GRIA4: variants seen among roughly 807,000 people sequenced by gnomAD.
GRIA4 encodes the protein glutamate ionotropic receptor AMPA type subunit 4, also known as glutamate receptor 4.
Under a neutral mutation model 104.0 loss-of-function variants are expected in GRIA4, and 34 were observed. The observed-to-expected ratio is 0.33, with a 90% CI of 0.25 to 0.44. The LOEUF (loss-of-function observed/expected upper bound fraction) is 0.44, where lower values mean the gene tolerates loss of function less well. GRIA4 is among the 20% of genes least tolerant of loss of function. GRIA4 has a pLI of 1.00. For missense variants in GRIA4, 750 were observed against 1,096.5 expected (o/e 0.68, Z 4.46); for synonymous variants, 386 against 381.9 (o/e 1.01, Z -0.13).
At chr11:105,963,983 A>G (rs1405636119) in intron 14 of GRIA4, among the ~76,000 whole-genome samples, 1 of 152,184 alleles carries the variant, frequency 6.6e-6, no homozygotes, top group Non-Finnish European at 1.5e-5. Flanking sequence ...AATAAAATGG[A>G]TTATAAAAAT....
chr11:105,882,439 G>A (rs1760987257), intron 5 of GRIA4, among the ~76,000 whole-genome samples: 1 of 152,074 alleles, frequency 6.6e-6, no homozygotes, highest in African/African-American at 2.4e-5. Flanking sequence ...ATATATAAAG[G>A]ATTAATGTAA....
chr11:105,763,255 G>A (rs1940754819), intron 4 of GRIA4, among the ~76,000 whole-genome samples: 1 of 152,098 alleles, frequency 6.6e-6, no homozygotes, highest in Non-Finnish European at 1.5e-5. Context: ...AGTTAATGGA[G>A]TTTTGCAGAG....
intron 3 of GRIA4, among the ~76,000 whole-genome samples, chr11:105,638,864 CTT>C (rs1218220629): frequency 6.6e-6 from 1 of 152,062 alleles, no homozygotes; most frequent in African/African-American, 2.4e-5. Flanking sequence ...AACATTTATT[CTT>C]TGTTTTCCTT....
intron 3 of GRIA4, among the ~76,000 whole-genome samples, chr11:105,657,245 A>G (rs1397611544): frequency 6.6e-6 from 1 of 152,000 alleles, no homozygotes; most frequent in African/African-American, 2.4e-5. Flanking sequence ...CAGCCATTTT[A>G]TCTGCAACAA....
At chr11:105,908,573 C>CTTTT (rs5794434) in intron 9 of GRIA4, among the ~76,000 whole-genome samples, 1 of 135,902 alleles carries the variant, frequency 7.4e-6, no homozygotes, top group Non-Finnish European at 1.6e-5. Context: ...ATGACTTTCT[C>CTTTT]TTTTTTTTTT....
intron 4 of GRIA4, among the ~76,000 whole-genome samples, chr11:105,777,397 G>A (rs116996620): frequency 7.9e-5 from 12 of 152,024 alleles, no homozygotes; most frequent in Admixed American, 1.3e-4. Flanking sequence ...ATAATGTCAG[G>A]CAAATGACAA....
At position 105,753,162 on chromosome 11, in the gene GRIA4, G is replaced by T; in HGVS notation, c.429G>T (p.Leu143Phe). The change falls in exon 4 of 17, where the codon TTG (leucine) becomes TTT (phenylalanine). Residue 143 changes from leucine to phenylalanine, a missense_variant. This residue lies in a region of GRIA4 where 410 missense variants were observed against 502.7 expected (regional missense o/e 0.82). Coordinates refer to ENST00000282499, the MANE Select transcript of GRIA4 (RefSeq NM_000829.4). ...GACCTTCGTTACGAGGAGCACTCTT[G>T]AGTTTGCTGGATCACTACGAATGGA... is the stretch of plus-strand genomic sequence containing the variant. ...QLRPSLRGAL[L>F]SLLDHYEWNC... 6.2e-7 allele frequency: 1 copy of T among 1,613,668 alleles called. No individual in the cohort carries two copies. The highest frequency in any genetic ancestry group is 8.5e-7 in the Non-Finnish European group (1 of 1,179,674).
At chr11:105,893,370 T>C (rs1327002304) in intron 6 of GRIA4, among the ~76,000 whole-genome samples, 1 of 152,148 alleles carries the variant, frequency 6.6e-6, no homozygotes, top group South Asian at 2.1e-4. Context: ...CTAGATCCTA[T>C]CAATTTTCTA....
chr11:105,610,816 T>C (rs1204107056), intron 1 of GRIA4, 92 bp from the exon 2 acceptor site: 10 of 575,966 alleles, frequency 1.7e-5, no homozygotes, highest in Non-Finnish European at 2.1e-5. Flanking sequence ...GAACTAGTCA[T>C]AATCTTAAAC....
chr11:105,981,479 TTCCATCAACTCTCAAGA>T lies in GRIA4; in HGVS notation c.*1744_*1760del, dbSNP rs1859245800. On this transcript the variant is annotated 3_prime_UTR_variant, in exon 17 of 17. Coordinates refer to ENST00000282499, the MANE Select transcript of GRIA4 (RefSeq NM_000829.4). ...TGGAAAAGCTGAAGGATTGATTTTC[TTCCATCAACTCTCAAGA>T]TCCCATTCGCCATTCAATCTCTGTG... The T allele has an allele frequency of 6.6e-6, 1 of 152,142 alleles. No homozygotes were observed. 9.4% of individuals were successfully genotyped at this position (152,142 alleles called of 1,614,324 possible). A position where few individuals can be genotyped will look rare whatever the true frequency, so the allele number is the denominator to read the frequency against.
Position 105,979,586 on chromosome 11 carries a change from T to G in GRIA4, c.2556T>G (p.Ser852=). Residue 852 remains serine (S), a synonymous_variant, in exon 17 of 17, where the codon TCT becomes TCG. Transcript: ENST00000282499. ...TCCATGCAACCCAGCTGACCTTTTC[T>G]GAAGCCATAAGAAACAAAGCCAGAT... ...AEAKRMKLTF[S]EAIRNKARLS... 1 of 1,614,166 alleles carries G rather than the reference T, an allele frequency of 6.2e-7. No individual in the cohort carries two copies. The highest frequency in any genetic ancestry group is 8.5e-7 in the Non-Finnish European group (1 of 1,180,006).
chr11:105,798,666 C>A (rs1235887407), intron 4 of GRIA4, among the ~76,000 whole-genome samples: 1 of 151,998 alleles, frequency 6.6e-6, no homozygotes. Context: ...TGAACTGGCA[C>A]TAGGAGTGGT....
chr11:105,688,767 C>T (rs1435186013), intron 3 of GRIA4, among the ~76,000 whole-genome samples: 26 of 152,102 alleles, frequency 1.7e-4, no homozygotes, highest in Non-Finnish European at 1.3e-4. Context: ...CTTACACCCA[C>T]CTGCTATGGT....
At chr11:105,838,117 ATTAT>A (rs1475449471) in intron 4 of GRIA4, among the ~76,000 whole-genome samples, 5 of 152,210 alleles carry the variant, frequency 3.3e-5, no homozygotes, top group Non-Finnish European at 7.3e-5. Context: ...TAAAAAAAGA[ATTAT>A]TTAACACTAG....
intron 3 of GRIA4, among the ~76,000 whole-genome samples, chr11:105,671,032 C>T (rs1952347111): frequency 6.6e-6 from 1 of 152,080 alleles, no homozygotes. Flanking sequence ...TGCCCTTTTT[C>T]CACACTGAGT....
rs192109255 is a variant in GRIA4, at chr11:105,873,098, C to T, written c.672+10890C>T. ...TAGCCCCCCACTCCCTGACAGGCCC[C>T]AGTGTGTGATGTTCCCCTCCCTGTG... On this transcript the variant is annotated intron_variant, in intron 5 of 16. Transcript: ENST00000282499. Among the ~76,000 whole-genome samples, 272 of 152,182 alleles carry T rather than the reference C, an allele frequency of 1.8e-3. 1 individual carries two copies. The highest frequency in any genetic ancestry group is 6.4e-3 in the African/African-American group (265 of 41,526).
chr11:105,749,344 G>C (rs2135682234), intron 3 of GRIA4, among the ~76,000 whole-genome samples: 1 of 152,252 alleles, frequency 6.6e-6, no homozygotes, highest in Non-Finnish European at 1.5e-5. Context: ...TAGAGAGATA[G>C]GAAGCATGAG....
At chr11:105,914,739 G>A (rs1209699680) in intron 10 of GRIA4, among the ~76,000 whole-genome samples, 1 of 152,090 alleles carries the variant, frequency 6.6e-6, no homozygotes, top group African/African-American at 2.4e-5. Flanking sequence ...GCAAAGCACA[G>A]TAGTTGATAA....
intron 3 of GRIA4, among the ~76,000 whole-genome samples, chr11:105,698,129 A>G (rs1374615217): frequency 6.6e-6 from 1 of 152,142 alleles, no homozygotes; most frequent in African/African-American, 2.4e-5. Context: ...CTGATTTTGT[A>G]CTCACTAGCT....
Sources: gnomAD v4.1 joint callset for allele counts (sites outside exome capture counted in the v4.1 genomes callset) on GRCh38, gnomAD v4.1.1 for gene constraint, gnomAD v4.1.1 regional missense constraint, MANE v1.5 for transcripts, NCBI Gene and HGNC (gene_info 2026-07-23, HGNC 2026-07-21) for gene names.